Variants in KIAA1671 observed in about 807,000 individuals in gnomAD.
KIAA1671 encodes the protein uncharacterized protein KIAA1671.
In KIAA1671, 52 loss-of-function variants were observed where a neutral mutation model predicts 131.2. That is an observed-to-expected ratio of 0.40 (90% CI 0.32 to 0.50). The LOEUF is 0.50. Among genes scored for constraint, KIAA1671 ranks in the 20% least tolerant of loss-of-function variants. The pLI is 0.73. For missense variants in KIAA1671, 2,360 were observed against 2,364.2 expected (o/e 1.00, Z 0.04); for synonymous variants, 1,003 against 961.6 (o/e 1.04, Z -0.80).
At chr22:25,044,063 T>TG (rs1445265972) in intron 5 of KIAA1671, among the ~76,000 whole-genome samples, 1 of 152,154 alleles carries the variant, frequency 6.6e-6, no homozygotes, top group African/African-American at 2.4e-5. Context: ...GGGTAAGTGA[T>TG]GGAGTCAGGC....
Position 25,113,575 on chromosome 22 carries a change from G to A in KIAA1671, c.4531-57245G>A, listed in dbSNP as rs1393720038. 4.6e-5 allele frequency among the ~76,000 whole-genome samples: 7 copies of A among 152,216 alleles called. No homozygotes were observed. In the East Asian group the frequency reaches 1.3e-3, roughly 29 times the overall value. On this transcript the variant is annotated intron_variant, in intron 6 of 12. Coordinates refer to ENST00000358431, the MANE Select transcript of KIAA1671 (RefSeq NM_001145206.2). ...GGCAGGGCTCACAGCTGCCCTGCCA[G>A]GTGCAGGGGCTCAGTATCCCCTCTG... is the stretch of plus-strand genomic sequence containing the variant.
intron 6 of KIAA1671, among the ~76,000 whole-genome samples, chr22:25,083,759 C>A (rs1462028759): frequency 1.3e-5 from 2 of 152,228 alleles, no homozygotes; most frequent in Non-Finnish European, 2.9e-5. Context: ...TTACTCTGCC[C>A]TCTCCCTGTT....
Position 25,124,853 on chromosome 22 carries a change from C to T in KIAA1671, c.4531-45967C>T, listed in dbSNP as rs558747592. On this transcript the variant is annotated intron_variant, in intron 6 of 12. Transcript: ENST00000358431. Reference sequence around the variant, plus strand: ...CTCACTGCAGCCTCGACCTCCCAGGCTCATACGATCCTCCCATCTCAGCCT... The same window carrying T: ...CTCACTGCAGCCTCGACCTCCCAGGTTCATACGATCCTCCCATCTCAGCCT... 6.6e-5 allele frequency among the ~76,000 whole-genome samples: 10 copies of T among 152,232 alleles called. No homozygotes were observed. The South Asian group carries it at 2.1e-3, about 32-fold the overall frequency.
chr22:24,965,667 G>T (rs577759383), intron 1 of KIAA1671, among the ~76,000 whole-genome samples: 44 of 150,446 alleles, frequency 2.9e-4, no homozygotes, highest in African/African-American at 1.1e-3. Flanking sequence ...TTGAACCCGC[G>T]AGGTGGAGGT....
intron 6 of KIAA1671, chr22:25,057,472 C>T (rs887613361): frequency 2.0e-5 from 3 of 152,222 alleles, no homozygotes; most frequent in African/African-American, 4.8e-5. Context: ...GGTGGAACAG[C>T]GTGGGATTGC....
chr22:24,970,476 C>T (rs545045076), intron 1 of KIAA1671, among the ~76,000 whole-genome samples: 2 of 152,248 alleles, frequency 1.3e-5, no homozygotes, highest in African/African-American at 4.8e-5. Context: ...ATTATACAAC[C>T]TGGGCCATCC....
At chr22:24,961,480 C>T (rs1158060934) in intron 1 of KIAA1671, among the ~76,000 whole-genome samples, 2 of 152,342 alleles carry the variant, frequency 1.3e-5, no homozygotes, top group South Asian at 2.1e-4. Flanking sequence ...TTCATGCTCA[C>T]GAGTCAGCAG....
chr22:25,074,182 T>G (rs992060546), intron 6 of KIAA1671, among the ~76,000 whole-genome samples: 5 of 141,852 alleles, frequency 3.5e-5, no homozygotes, highest in East Asian at 4.0e-4. Context: ...TAGATATATA[T>G]AGAGAGGATA....
At chr22:25,184,655 G>C (rs929786281) in intron 10 of KIAA1671, among the ~76,000 whole-genome samples, 3 of 152,202 alleles carry the variant, frequency 2.0e-5, no homozygotes, top group African/African-American at 7.2e-5. Flanking sequence ...CTGTTGGATG[G>C]AGGGAGCTGC....
chr22:25,134,597 C>T (rs561275965), intron 6 of KIAA1671, among the ~76,000 whole-genome samples: 25 of 152,310 alleles, frequency 1.6e-4, no homozygotes, highest in African/African-American at 5.8e-4. Flanking sequence ...TCTCTTCTGT[C>T]GTCCCAGTTG....
chr22:24,976,307 T>A (rs1400544597), intron 1 of KIAA1671, among the ~76,000 whole-genome samples: 2 of 152,248 alleles, frequency 1.3e-5, no homozygotes, highest in Non-Finnish European at 2.9e-5. Context: ...GCTTTCCTTT[T>A]TAGAGAGGGA....
chr22:25,107,260 CA>C (rs1182150816), intron 6 of KIAA1671, among the ~76,000 whole-genome samples: 1 of 151,660 alleles, frequency 6.6e-6, no homozygotes, highest in Non-Finnish European at 1.5e-5. Flanking sequence ...CTTAAAAATA[CA>C]AAAAAATTAG....
intron 1 of KIAA1671, among the ~76,000 whole-genome samples, chr22:24,968,959 G>C (rs1424697723): frequency 6.6e-6 from 1 of 152,136 alleles, no homozygotes; most frequent in Non-Finnish European, 1.5e-5. Context: ...GAGTGCAGTG[G>C]TGCAGTCATG....
intron 9 of KIAA1671, chr22:25,179,690 TATTA>T (rs1934197079): frequency 1.6e-6 from 1 of 606,316 alleles, no homozygotes; most frequent in African/African-American, 1.8e-5. Flanking sequence ...AAGGTTAGTA[TATTA>T]ATTGAGGCTC....
At chr22:25,043,533 G>A (rs936155133) in intron 5 of KIAA1671, among the ~76,000 whole-genome samples, 3 of 152,216 alleles carry the variant, frequency 2.0e-5, no homozygotes, top group Non-Finnish European at 4.4e-5. Context: ...AACCACGAAG[G>A]TGGGGAAGAA....
Position 24,964,232 on chromosome 22 carries a change from G to T in KIAA1671, c.-208+11460G>T, listed in dbSNP as rs372123000. Among the ~76,000 whole-genome samples the T allele has an allele frequency of 2.2e-4, 33 of 152,102 alleles. No individual in the cohort carries two copies. In the Middle Eastern group the frequency reaches 0.01, roughly 47 times the overall value. ...TAGTCCTAGCTACTTGGGAGGCTGA[G>T]GCAGGAGAATTGCTTGAACCTGGGA... is the stretch of plus-strand genomic sequence containing the variant. On this transcript the variant is annotated intron_variant, in intron 1 of 12. Coordinates refer to ENST00000358431, the MANE Select transcript of KIAA1671 (RefSeq NM_001145206.2).
chr22:25,029,802 G>A (rs2145789482), intron 3 of KIAA1671, among the ~76,000 whole-genome samples: 1 of 152,372 alleles, frequency 6.6e-6, no homozygotes, highest in African/African-American at 2.4e-5. Context: ...GTGTGTGAGT[G>A]AAGTGGGCGG....
intron 6 of KIAA1671, among the ~76,000 whole-genome samples, chr22:25,135,418 C>T (rs1932633223): frequency 6.6e-6 from 1 of 152,156 alleles, no homozygotes; most frequent in Non-Finnish European, 1.5e-5. Context: ...GATCTCCTGA[C>T]CTTGTGATCC....
intron 1 of KIAA1671, among the ~76,000 whole-genome samples, chr22:25,019,657 C>T (rs1204688595): frequency 2.0e-5 from 3 of 149,414 alleles, no homozygotes; most frequent in Middle Eastern, 3.4e-3. Flanking sequence ...GTATAAACAA[C>T]CTTTGCTATT....
Sources: allele counts gnomAD v4.1 joint callset (sites outside exome capture counted in the v4.1 genomes callset), GRCh38; gene constraint gnomAD v4.1.1; transcripts MANE v1.5; gene names NCBI Gene and HGNC (gene_info 2026-07-23, HGNC 2026-07-21).